Variants in TTC39C observed in about 807,000 individuals in gnomAD.
TTC39C encodes tetratricopeptide repeat domain 39C, also known as tetratricopeptide repeat protein 39C.
TTC39C carries 33 observed loss-of-function variants against 76.3 expected under a neutral mutation model. The ratio of observed to expected loss-of-function variants is 0.43; its 90% CI spans 0.33 to 0.58. TTC39C has a LOEUF of 0.58. Among genes scored for constraint, TTC39C ranks in the 20% least tolerant of loss-of-function variants. TTC39C has a pLI of 0.04. For synonymous variants in TTC39C, 254 were observed against 260.6 expected, an observed-to-expected ratio of 0.97 and a Z score of 0.24; for missense variants, 595 against 701.4, an observed-to-expected ratio of 0.85 and a Z score of 1.71.
intron 1 of TTC39C, chr18:24,019,739 C>CTT (rs2083496347): frequency 3.9e-6 from 3 of 763,022 alleles, no homozygotes; most frequent in Non-Finnish European, 2.0e-6. Context: ...TGAGACACAG[C>CTT]CATGCTCATT....
chr18:24,053,280 A>G (rs918245137), intron 1 of TTC39C, among the ~76,000 whole-genome samples: 1 of 147,338 alleles, frequency 6.8e-6, no homozygotes, highest in Admixed American at 6.9e-5. Context: ...CCCATTTATC[A>G]CTTCCAAGAC....
intron 8 of TTC39C, among the ~76,000 whole-genome samples, chr18:24,119,110 T>A (rs192547712): frequency 2.4e-5 from 2 of 82,048 alleles, no homozygotes; most frequent in Non-Finnish European, 4.7e-5. Context: ...TATTAACACC[T>A]GTATTCTGTT....
rs1387051093 is a variant in TTC39C at position 24,132,848 on chromosome 18, AT to A, written c.*277del. On this transcript the variant is annotated 3_prime_UTR_variant, in exon 14 of 14. Transcript: ENST00000317571. ...CTTGCTCAAACGTTTTAGTTTTGTG[AT>A]TTATTATTTTTAAAATAAAATCAAA... The A allele has an allele frequency of 2.3e-5, 7 of 298,660 alleles. No individual in the cohort carries two copies. The highest frequency in any genetic ancestry group is 4.3e-5 in the Non-Finnish European group (7 of 163,906). The allele number at this position is 298,660 out of a possible 1,614,324, so 18.5% of individuals were successfully genotyped here.
At chr18:24,022,486 G>A (rs116901395) in intron 1 of TTC39C, 1 of 889,546 alleles carries the variant, frequency 1.1e-6, no homozygotes, top group East Asian at 1.2e-4. Flanking sequence ...GTTGAAACTG[G>A]GCTGCATGGC....
intron 1 of TTC39C, among the ~76,000 whole-genome samples, chr18:24,049,485 T>C (rs1270946717): frequency 6.6e-6 from 1 of 152,234 alleles, no homozygotes; most frequent in African/African-American, 2.4e-5. Flanking sequence ...CTCATTCATT[T>C]GCTTATTCAT....
intron 4 of TTC39C, among the ~76,000 whole-genome samples, chr18:24,074,631 C>A (rs991962804): frequency 6.6e-6 from 1 of 152,038 alleles, no homozygotes; most frequent in Non-Finnish European, 1.5e-5. Context: ...GAATGGTGAT[C>A]GTTAAAAAGT....
intron 6 of TTC39C, among the ~76,000 whole-genome samples, chr18:24,096,058 TA>T (rs1340025908): frequency 6.6e-6 from 1 of 152,162 alleles, no homozygotes; most frequent in East Asian, 1.9e-4. Context: ...CCAAAACAAT[TA>T]AAATAGTAAC....
intron 4 of TTC39C, among the ~76,000 whole-genome samples, chr18:24,079,670 A>G (rs1272499890): frequency 3.3e-5 from 5 of 152,192 alleles, no homozygotes; most frequent in African/African-American, 1.2e-4. Flanking sequence ...TACATTTTGC[A>G]TTTAACATGA....
At position 24,055,676 on chromosome 18, in the gene TTC39C, TCCATAGGTTGGTTG is replaced by T. The variant is rs1008200785; in HGVS notation, c.168-8461_168-8448del. Among the ~76,000 whole-genome samples, 216 of 152,180 alleles carry T rather than the reference TCCATAGGTTGGTTG, an allele frequency of 1.4e-3. 3 individuals carry two copies. Among genetic ancestry groups the T allele is most frequent in the Non-Finnish European group, 4.9e-4 (33 of 68,034 alleles). On this transcript the variant is annotated intron_variant, in intron 1 of 13. Coordinates refer to ENST00000317571, the MANE Select transcript of TTC39C (RefSeq NM_001135993.2). The stretch of plus-strand genomic sequence containing the variant: ...ATGATTTGCAAATATTTTCTCCAGT[TCCATAGGTTGGTTG>T]CCTTTTCACTCTGCTGATTATGTTC...
At chr18:24,020,768 C>G (rs545785296) in intron 1 of TTC39C, among the ~76,000 whole-genome samples, 25 of 152,152 alleles carry the variant, frequency 1.6e-4, no homozygotes, top group African/African-American at 5.8e-4. Context: ...GTTTGATCTG[C>G]GGCTGGTTGT....
intron 6 of TTC39C, among the ~76,000 whole-genome samples, chr18:24,092,579 A>G (rs912043447): frequency 1.3e-5 from 2 of 152,242 alleles, no homozygotes; most frequent in Non-Finnish European, 2.9e-5. Flanking sequence ...GATACATACT[A>G]TAGCATGGAG....
Position 24,033,882 on chromosome 18 carries a change from G to A in TTC39C, c.167+18844G>A, listed in dbSNP as rs373400417. 7.2e-5 allele frequency among the ~76,000 whole-genome samples: 11 copies of A among 152,284 alleles called. No individual in the cohort carries two copies. In the South Asian group the frequency reaches 1.5e-3, roughly 20 times the overall value. Reference sequence around the variant, plus strand: ...CTTCATTCCTAGTGATAGACCCACTGACATTTTACTCAAAGGGATAATTGA... The same window carrying A: ...CTTCATTCCTAGTGATAGACCCACTAACATTTTACTCAAAGGGATAATTGA... On this transcript the variant is annotated intron_variant, in intron 1 of 13. Coordinates refer to ENST00000317571, the MANE Select transcript of TTC39C (RefSeq NM_001135993.2).
intron 8 of TTC39C, 26 bp from the exon 9 acceptor site, chr18:24,123,808 A>T: frequency 1.3e-6 from 2 of 1,559,464 alleles, no homozygotes; most frequent in Non-Finnish European, 1.7e-6. Context: ...CTTGTACTTA[A>T]GAAATATAAT....
At chr18:24,107,890 G>GGGC (rs1555776840) in intron 6 of TTC39C, among the ~76,000 whole-genome samples, 2 of 143,972 alleles carry the variant, frequency 1.4e-5, no homozygotes, top group Non-Finnish European at 3.0e-5. Context: ...TCCCAAGTAG[G>GGGC]GGGGGGGGTA....
upstream of TTC39C, among the ~76,000 whole-genome samples, chr18:24,010,931 C>G (rs1238209073): frequency 6.6e-6 from 1 of 152,082 alleles, no homozygotes; most frequent in Non-Finnish European, 1.5e-5. Context: ...GCCTGTAGTT[C>G]CAGCTACTCA....
intron 3 of TTC39C, 110 bp downstream of exon 3, chr18:24,066,250 T>C: frequency 6.0e-6 from 8 of 1,341,098 alleles, no homozygotes; most frequent in Non-Finnish European, 8.0e-6. Flanking sequence ...AGAATATGAC[T>C]GAAAAACCAC....
chr18:24,066,722 C>G (rs2084170100), intron 3 of TTC39C, among the ~76,000 whole-genome samples: 1 of 152,164 alleles, frequency 6.6e-6, no homozygotes, highest in South Asian at 2.1e-4. Flanking sequence ...AGCCACCTGT[C>G]TTCTGCTCCT....
intron 1 of TTC39C, among the ~76,000 whole-genome samples, chr18:24,034,501 T>C (rs1306735358): frequency 2.6e-5 from 4 of 152,242 alleles, no homozygotes; most frequent in Non-Finnish European, 5.9e-5. Context: ...CATGAGGTAA[T>C]ATTCACCATT....
Position 24,027,421 on chromosome 18 carries a change from G to A in TTC39C, c.167+12383G>A, listed in dbSNP as rs940745702. On this transcript the variant is annotated intron_variant, in intron 1 of 13. Transcript: ENST00000317571. ...GGTGAATTGCAAAATCTCAAGTTAT[G>A]TGTTGGCAACTGATATCTGGAACAA... is the stretch of plus-strand genomic sequence containing the variant. Among the ~76,000 whole-genome samples the A allele has an allele frequency of 5.3e-5, 8 of 152,218 alleles. No homozygotes were observed. In the East Asian group the frequency reaches 1.4e-3, roughly 26 times the overall value.
Sources: gnomAD v4.1 joint callset for allele counts (sites outside exome capture counted in the v4.1 genomes callset) on GRCh38, gnomAD v4.1.1 for gene constraint, MANE v1.5 for transcripts, NCBI Gene and HGNC (gene_info 2026-07-23, HGNC 2026-07-21) for gene names.